Variants in FBXL7 observed in about 807,000 individuals in gnomAD.
The protein encoded by FBXL7 is F-box and leucine rich repeat protein 7.
Under a neutral mutation model 38.3 loss-of-function variants are expected in FBXL7, and 12 were observed. The observed-to-expected ratio is 0.31, with a 90% CI of 0.20 to 0.51. The LOEUF is 0.51. FBXL7 is among the 20% of genes least tolerant of loss of function. The pLI is 0.98. For missense variants in FBXL7, 567 were observed against 676.4 expected (o/e 0.84, Z 1.79); for synonymous variants, 297 against 300.9 (o/e 0.99, Z 0.13).
chr5:15,918,832 G>C (rs1741668749), intron 2 of FBXL7, among the ~76,000 whole-genome samples: 1 of 152,214 alleles, frequency 6.6e-6, no homozygotes, highest in African/African-American at 2.4e-5. Context: ...ACTGCTGGAC[G>C]ATATTCTCAG....
At chr5:15,644,893 C>T (rs1337993822) in intron 2 of FBXL7, among the ~76,000 whole-genome samples, 1 of 152,122 alleles carries the variant, frequency 6.6e-6, no homozygotes, top group Non-Finnish European at 1.5e-5. Flanking sequence ...AGGACAATGG[C>T]AGAGCAAAAG....
intron 2 of FBXL7, among the ~76,000 whole-genome samples, chr5:15,796,161 A>G (rs990507542): frequency 1.3e-5 from 2 of 152,222 alleles, no homozygotes; most frequent in Admixed American, 6.5e-5. Context: ...CTAAGGAAAA[A>G]TAAACCAGAT....
At chr5:15,628,651 CTGT>C (rs1274413946) in intron 2 of FBXL7, among the ~76,000 whole-genome samples, 5 of 152,158 alleles carry the variant, frequency 3.3e-5, no homozygotes, top group African/African-American at 1.2e-4. Flanking sequence ...TTTAAGCATG[CTGT>C]TGTTACATGC....
At chr5:15,731,620 G>A (rs1698067572) in intron 2 of FBXL7, among the ~76,000 whole-genome samples, 1 of 152,196 alleles carries the variant, frequency 6.6e-6, no homozygotes, top group South Asian at 2.1e-4. Flanking sequence ...AGAGGGCAGA[G>A]GACACGGATG....
chr5:15,663,421 C>T (rs1028790331), intron 2 of FBXL7, among the ~76,000 whole-genome samples: 6 of 152,066 alleles, frequency 3.9e-5, no homozygotes, highest in Admixed American at 3.3e-4. Flanking sequence ...GGGAATGCTT[C>T]CTACTTTTGC....
chr5:15,856,481 G>T (rs187488090), intron 2 of FBXL7, among the ~76,000 whole-genome samples: 1 of 151,724 alleles, frequency 6.6e-6, no homozygotes, highest in Non-Finnish European at 1.5e-5. Context: ...GAAATAATCT[G>T]CACAACAAAC....
At chr5:15,738,942 C>T (rs4590179) in intron 2 of FBXL7, among the ~76,000 whole-genome samples, 81,515 of 152,120 alleles carry the variant, frequency 0.54, 22,147 homozygotes, top group East Asian at 0.67. Flanking sequence ...GAAAGCAACA[C>T]CACATTGTCA....
At chr5:15,554,146 C>T (rs1300721826) in intron 1 of FBXL7, among the ~76,000 whole-genome samples, 1 of 152,126 alleles carries the variant, frequency 6.6e-6, no homozygotes, top group East Asian at 1.9e-4. Context: ...CCTGAGGGGG[C>T]CAGAGCCTCC....
intron 2 of FBXL7, among the ~76,000 whole-genome samples, chr5:15,627,846 C>T (rs1215606214): frequency 6.6e-6 from 1 of 152,160 alleles, no homozygotes; most frequent in Non-Finnish European, 1.5e-5. Context: ...TCCTCTTTGA[C>T]TAGGAAATAA....
At chr5:15,845,684 TAC>T (rs1738876685) in intron 2 of FBXL7, among the ~76,000 whole-genome samples, 2 of 152,168 alleles carry the variant, frequency 1.3e-5, no homozygotes. Context: ...AATTTAAAAA[TAC>T]AGAGGCTGGG....
chr5:15,645,856 AAAACGAC>A (rs1415087467), intron 2 of FBXL7, among the ~76,000 whole-genome samples: 85 of 152,340 alleles, frequency 5.6e-4, no homozygotes, highest in Admixed American at 2.5e-3. Flanking sequence ...TGTTCACTTG[AAAACGAC>A]AATGTTGTTG....
At chr5:15,523,570 A>AG (rs1461114588) in intron 1 of FBXL7, among the ~76,000 whole-genome samples, 1 of 152,070 alleles carries the variant, frequency 6.6e-6, no homozygotes, top group African/African-American at 2.4e-5. Context: ...AAAAAAAAAA[A>AG]AAATCACATA....
intron 1 of FBXL7, among the ~76,000 whole-genome samples, chr5:15,503,206 A>G (rs1736547226): frequency 6.6e-6 from 1 of 152,172 alleles, no homozygotes; most frequent in African/African-American, 2.4e-5. Flanking sequence ...AGATTACTTG[A>G]GGTCAGGAGT....
intron 2 of FBXL7, among the ~76,000 whole-genome samples, chr5:15,627,146 C>A (rs963171011): frequency 6.6e-6 from 1 of 152,198 alleles, no homozygotes; most frequent in African/African-American, 2.4e-5. Flanking sequence ...TCTGTTAGCT[C>A]TTTGGCTCCT....
intron 2 of FBXL7, among the ~76,000 whole-genome samples, chr5:15,773,409 C>T (rs182098952): frequency 7.0e-4 from 106 of 151,980 alleles, no homozygotes; most frequent in Admixed American, 1.2e-3. Flanking sequence ...TTTGGGAGGC[C>T]GAGACAGGAG....
intron 2 of FBXL7, among the ~76,000 whole-genome samples, chr5:15,633,739 ATAT>A (rs35409501): frequency 0.21 from 29,716 of 143,254 alleles, 3,132 homozygotes; most frequent in East Asian, 0.33. Flanking sequence ...AGGGACACAG[ATAT>A]TATTATTATT....
At chr5:15,731,383 T>A (rs1735579725) in intron 2 of FBXL7, among the ~76,000 whole-genome samples, 1 of 152,064 alleles carries the variant, frequency 6.6e-6, no homozygotes, top group African/African-American at 2.4e-5. Context: ...GAAACTCCCA[T>A]TTTTAAAACC....
rs568083126 is a variant in FBXL7, at chr5:15,670,446, T to G, written c.127+54374T>G. Among the ~76,000 whole-genome samples, 4 of 152,246 alleles carry G rather than the reference T, an allele frequency of 2.6e-5. No homozygotes were observed. The South Asian group carries it at 8.3e-4, about 32-fold the overall frequency. On this transcript the variant is annotated intron_variant, in intron 2 of 3. Transcript: ENST00000504595. ...CATTACAGCAGAGCCATCCCACTGG[T>G]CAGGGGACATAATACATAGCCCAGA...
At chr5:15,811,085 C>G (rs1291403838) in intron 2 of FBXL7, among the ~76,000 whole-genome samples, 1 of 152,178 alleles carries the variant, frequency 6.6e-6, no homozygotes, top group African/African-American at 2.4e-5. Context: ...TACTAACCAT[C>G]CTACTGATAT....
Sources: allele counts gnomAD v4.1 joint callset (sites outside exome capture counted in the v4.1 genomes callset), GRCh38; gene constraint gnomAD v4.1.1; transcripts MANE v1.5; gene names NCBI Gene and HGNC (gene_info 2026-07-23, HGNC 2026-07-21).